Variants in MCHR2 observed in about 807,000 individuals in gnomAD.
The protein encoded by MCHR2 is melanin-concentrating hormone receptor 2.
In MCHR2, 15 loss-of-function variants were observed where a neutral mutation model predicts 24.8. That is an observed-to-expected ratio of 0.60 (90% CI 0.40 to 0.93). The LOEUF (loss-of-function observed/expected upper bound fraction) is 0.93, where lower values mean the gene tolerates loss of function less well. MCHR2 is among the 40% of genes least tolerant of loss of function. The probability of loss-of-function intolerance (pLI) is 0.00; values close to 1 mark genes in which losing one functional copy is unlikely to be tolerated. For synonymous variants in MCHR2, 151 were observed against 147.6 expected (o/e 1.02, Z -0.17); for missense variants, 386 against 408.7 (o/e 0.94, Z 0.48).
chr6:99,980,595 G>A (rs993808028), intron 1 of MCHR2, among the ~76,000 whole-genome samples: 1 of 152,038 alleles, frequency 6.6e-6, no homozygotes, highest in Admixed American at 6.6e-5. Flanking sequence ...AAGTGCGTGA[G>A]AGTGAAAGAG....
At chr6:99,975,986 G>A (rs991714510) in intron 1 of MCHR2, among the ~76,000 whole-genome samples, 11 of 152,146 alleles carry the variant, frequency 7.2e-5, no homozygotes, top group African/African-American at 2.7e-4. Flanking sequence ...GTTTGAGGGT[G>A]GGTATGCAGA....
intron 1 of MCHR2, among the ~76,000 whole-genome samples, chr6:99,974,066 T>C (rs993536847): frequency 2.6e-5 from 4 of 152,162 alleles, no homozygotes; most frequent in African/African-American, 9.7e-5. Flanking sequence ...AGGAGTATCT[T>C]TGTGACGTTC....
chr6:99,963,427 G>T (rs1488685486), intron 1 of MCHR2, among the ~76,000 whole-genome samples: 1 of 152,094 alleles, frequency 6.6e-6, no homozygotes, highest in African/African-American at 2.4e-5. Flanking sequence ...GATACTATAT[G>T]ATTTCATTTG....
intron 1 of MCHR2, among the ~76,000 whole-genome samples, chr6:99,987,075 TTGTTG>T (rs915868233): frequency 6.7e-5 from 10 of 150,088 alleles, no homozygotes; most frequent in African/African-American, 2.0e-4. Context: ...TGTATTGTGT[TTGTTG>T]TGTTGTGTTG....
At chr6:99,930,208 G>A (rs1435312375) in intron 5 of MCHR2, among the ~76,000 whole-genome samples, 11 of 152,064 alleles carry the variant, frequency 7.2e-5, no homozygotes, top group East Asian at 1.9e-4. Flanking sequence ...CGAGAGATCC[G>A]CTGTTAGTCT....
chr6:99,988,315 T>C (rs1486736486), intron 1 of MCHR2, among the ~76,000 whole-genome samples: 1 of 152,200 alleles, frequency 6.6e-6, no homozygotes, highest in East Asian at 1.9e-4. Context: ...ATACAAATCT[T>C]TTCCAAGGAT....
rs537972712 is a variant in MCHR2, at chr6:99,960,430, C to T, written c.-27-4256G>A. On this transcript the variant is annotated intron_variant, in intron 1 of 5. Coordinates refer to ENST00000281806, the MANE Select transcript of MCHR2 (RefSeq NM_001040179.2). Reference sequence around the variant, plus strand: ...CCCAAGGTAATTTATAGATTCAATGCCATCCCCATCAAGCTACCAATGACT... The same window carrying T: ...CCCAAGGTAATTTATAGATTCAATGTCATCCCCATCAAGCTACCAATGACT... 4.6e-5 allele frequency among the ~76,000 whole-genome samples: 7 copies of T among 152,160 alleles called. No homozygotes were observed. In the South Asian group the frequency reaches 8.3e-4, roughly 18 times the overall value.
intron 4 of MCHR2, among the ~76,000 whole-genome samples, chr6:99,940,237 G>A (rs1420784830): frequency 2.6e-5 from 4 of 151,786 alleles, no homozygotes; most frequent in Non-Finnish European, 5.9e-5. Context: ...TTGGTCTTTT[G>A]AAGTAATTTT....
chr6:99,958,285 G>GGAAA (rs1775106804), intron 1 of MCHR2, among the ~76,000 whole-genome samples: 1 of 109,794 alleles, frequency 9.1e-6, no homozygotes, highest in Non-Finnish European at 2.0e-5. Flanking sequence ...CTGTCTAAAT[G>GGAAA]GAAAAACCAA....
At chr6:99,968,342 AC>A (rs1383880328) in intron 1 of MCHR2, among the ~76,000 whole-genome samples, 6 of 152,096 alleles carry the variant, frequency 3.9e-5, no homozygotes, top group African/African-American at 1.4e-4. Flanking sequence ...AAAGTGGATC[AC>A]TCCCATGATC....
At chr6:99,991,543 A>C (rs1050475453) in intron 1 of MCHR2, among the ~76,000 whole-genome samples, 3 of 152,138 alleles carry the variant, frequency 2.0e-5, no homozygotes, top group Admixed American at 6.5e-5. Flanking sequence ...GCGGTGGCTC[A>C]CGCCTGTTAA....
intron 5 of MCHR2, among the ~76,000 whole-genome samples, chr6:99,930,243 C>T (rs1006956569): frequency 6.6e-6 from 1 of 151,922 alleles, no homozygotes; most frequent in African/African-American, 2.4e-5. Flanking sequence ...TGTGGGTAAC[C>T]CGACCTTTCT....
rs1199593787 is a variant in MCHR2 at position 99,920,390 on chromosome 6, G to A, written c.*550C>T. Reference sequence around the variant, plus strand: ...GTAATAATACTTATTTCACAGGTTTGTTACATGTAATCTTACACATTGCAT... The same window carrying A: ...GTAATAATACTTATTTCACAGGTTTATTACATGTAATCTTACACATTGCAT... On this transcript the variant is annotated 3_prime_UTR_variant, in exon 6 of 6. Coordinates refer to ENST00000281806, the MANE Select transcript of MCHR2 (RefSeq NM_001040179.2). 1 of 153,190 alleles carries A rather than the reference G, an allele frequency of 6.5e-6. No individual in the cohort carries two copies. Among genetic ancestry groups the A allele is most frequent in the African/African-American group, 2.4e-5 (1 of 41,436 alleles). The allele number at this position is 153,190 out of a possible 1,614,324, so 9.5% of individuals were successfully genotyped here.
intron 1 of MCHR2, among the ~76,000 whole-genome samples, chr6:99,990,069 A>G (rs199556545): frequency 6.8e-6 from 1 of 147,496 alleles, no homozygotes; most frequent in Non-Finnish European, 1.5e-5. Context: ...CAAAAAAAAA[A>G]CTAAATTCCA....
At chr6:99,975,343 G>A (rs1030224472) in intron 1 of MCHR2, among the ~76,000 whole-genome samples, 2 of 152,182 alleles carry the variant, frequency 1.3e-5, no homozygotes, top group Admixed American at 1.3e-4. Flanking sequence ...AGGAATCAGC[G>A]AGACTCCGTG....
chr6:99,963,544 T>G (rs1239666619), intron 1 of MCHR2, among the ~76,000 whole-genome samples: 1 of 152,124 alleles, frequency 6.6e-6, no homozygotes, highest in Non-Finnish European at 1.5e-5. Flanking sequence ...ATATAAAGTT[T>G]CAGTCATGCA....
intron 5 of MCHR2, among the ~76,000 whole-genome samples, chr6:99,928,501 G>T (rs1774424244): frequency 1.3e-5 from 2 of 152,004 alleles, no homozygotes; most frequent in Admixed American, 6.5e-5. Flanking sequence ...ATTGATTATT[G>T]CCACAATTTC....
At chr6:99,958,288 A>C (rs1382053936) in intron 1 of MCHR2, among the ~76,000 whole-genome samples, 2 of 151,934 alleles carry the variant, frequency 1.3e-5, no homozygotes, top group Admixed American at 1.3e-4. Context: ...TCTAAATGGA[A>C]AAACCAATCT....
chr6:99,920,607 A>C lies in MCHR2; in HGVS notation c.*333T>G, dbSNP rs201457913. ...AGGCCACAGTGTGGAGGGCAAGGTCAGGTTCCTTGGTGAGTTTTGAGTCAA... is the reference window on the plus strand; with the variant it reads ...AGGCCACAGTGTGGAGGGCAAGGTCCGGTTCCTTGGTGAGTTTTGAGTCAA... On this transcript the variant is annotated 3_prime_UTR_variant, in exon 6 of 6. Transcript: ENST00000281806. 1 of 253,084 alleles carries C rather than the reference A, an allele frequency of 4.0e-6. No individual in the cohort carries two copies. The highest frequency in any genetic ancestry group is 7.7e-6 in the Non-Finnish European group (1 of 129,620). 15.7% of individuals were successfully genotyped at this position (253,084 alleles called of 1,614,324 possible). A position where few individuals can be genotyped will look rare whatever the true frequency, so the allele number is the denominator to read the frequency against.
Sources: gnomAD v4.1 joint callset for allele counts (sites outside exome capture counted in the v4.1 genomes callset) on GRCh38, gnomAD v4.1.1 for gene constraint, MANE v1.5 for transcripts, NCBI Gene and HGNC (gene_info 2026-07-23, HGNC 2026-07-21) for gene names.